Variants in ARHGAP26 observed in about 807,000 individuals in gnomAD.
ARHGAP26 encodes rho GTPase-activating protein 26.
Under a neutral mutation model 104.8 loss-of-function variants are expected in ARHGAP26, and 38 were observed. The ratio of observed to expected loss-of-function variants is 0.36; its 90% CI spans 0.28 to 0.48. ARHGAP26 has a LOEUF of 0.48. Ranked by LOEUF, ARHGAP26 falls within the 20% of genes least tolerant of loss-of-function variation. ARHGAP26 has a pLI of 0.99. For synonymous variants in ARHGAP26, 341 were observed against 340.0 expected (o/e 1.00, Z -0.03); for missense variants, 704 against 947.9 (o/e 0.74, Z 3.38).
At chr5:142,842,623 A>G (rs1436811534) in intron 1 of ARHGAP26, among the ~76,000 whole-genome samples, 1 of 152,180 alleles carries the variant, frequency 6.6e-6, no homozygotes, top group Non-Finnish European at 1.5e-5. Flanking sequence ...ATTGATCTAA[A>G]AGTGCGTAGT....
At chr5:142,846,437 A>G (rs1280567494) in intron 1 of ARHGAP26, among the ~76,000 whole-genome samples, 1 of 152,166 alleles carries the variant, frequency 6.6e-6, no homozygotes. Context: ...GTGAGCCAGA[A>G]TTTCAGGTCT....
chr5:142,991,282 C>T (rs1159131434), intron 11 of ARHGAP26, among the ~76,000 whole-genome samples: 7 of 152,238 alleles, frequency 4.6e-5, no homozygotes, highest in Admixed American at 4.6e-4. Flanking sequence ...ATATAATCTC[C>T]TGGTGTGCCG....
At chr5:142,902,386 C>T (rs1760485669) in intron 7 of ARHGAP26, among the ~76,000 whole-genome samples, 3 of 152,220 alleles carry the variant, frequency 2.0e-5, no homozygotes, top group Admixed American at 1.3e-4. Flanking sequence ...AGCTGCCTGA[C>T]TACATGAGAC....
intron 1 of ARHGAP26, among the ~76,000 whole-genome samples, chr5:142,790,714 A>G (rs1759627077): frequency 6.6e-6 from 1 of 152,098 alleles, no homozygotes; most frequent in Non-Finnish European, 1.5e-5. Flanking sequence ...TGATGCTCTG[A>G]GCACTTTCCC....
chr5:142,818,122 G>A (rs189719084), intron 1 of ARHGAP26, among the ~76,000 whole-genome samples: 51 of 152,192 alleles, frequency 3.4e-4, no homozygotes, highest in Non-Finnish European at 6.3e-4. Flanking sequence ...TTGGGTATTG[G>A]CAGGCTTCCT....
In ARHGAP26 at chr5:142,849,783, C is replaced by T. The variant is rs144946744; in HGVS notation, c.155-23617C>T. ...TGCATTGCTGGTGCCTCAATCCTGC[C>T]GTGTTTCTGTCCTCTTTCCTCCAGT... On this transcript the variant is annotated intron_variant, in intron 1 of 22. Transcript: ENST00000645722. Among the ~76,000 whole-genome samples, 46 of 152,250 alleles carry T rather than the reference C, an allele frequency of 3.0e-4. No individual in the cohort carries two copies. In the East Asian group the frequency reaches 3.9e-3, roughly 13 times the overall value.
intron 17 of ARHGAP26, among the ~76,000 whole-genome samples, chr5:143,066,737 G>A (rs1189202356): frequency 6.6e-6 from 1 of 152,210 alleles, no homozygotes; most frequent in African/African-American, 2.4e-5. Context: ...AGATTTCTGT[G>A]TGTGCATGTG....
At chr5:143,182,717 A>G (rs142984669) in intron 20 of ARHGAP26, among the ~76,000 whole-genome samples, 92 of 152,362 alleles carry the variant, frequency 6.0e-4, no homozygotes, top group African/African-American at 2.2e-3. Flanking sequence ...CTGGCTATAA[A>G]GACAAATCCC....
At chr5:142,849,371 T>C (rs989373985) in intron 1 of ARHGAP26, among the ~76,000 whole-genome samples, 10 of 152,214 alleles carry the variant, frequency 6.6e-5, no homozygotes, top group African/African-American at 2.4e-4. Context: ...TTTCCATTTG[T>C]ATTTGGCTTT....
At position 142,998,751 on chromosome 5, in the gene ARHGAP26, A is replaced by G. The variant is rs75601443; in HGVS notation, c.1108-15329A>G. Among the ~76,000 whole-genome samples the G allele has an allele frequency of 3.9e-3, 593 of 152,316 alleles. 6 individuals carry two copies. The highest frequency in any genetic ancestry group is 0.024 in the Middle Eastern group (7 of 294). ...CACCCCCTAAAAAAAGAACAAAAAA[A>G]AAGAAAAAGGAAAAGAACATTTGTT... On this transcript the variant is annotated intron_variant, in intron 11 of 22. Coordinates refer to ENST00000645722, the MANE Select transcript of ARHGAP26 (RefSeq NM_001135608.3).
intron 11 of ARHGAP26, among the ~76,000 whole-genome samples, chr5:142,939,820 A>G (rs1765976594): frequency 6.6e-6 from 1 of 152,258 alleles, no homozygotes; most frequent in Admixed American, 6.5e-5. Context: ...AGTGCTTTGT[A>G]AGGATCAACC....
At chr5:142,896,990 GCCTA>G in intron 6 of ARHGAP26, among the ~76,000 whole-genome samples, 1 of 152,090 alleles carries the variant, frequency 6.6e-6, no homozygotes, top group East Asian at 1.9e-4. Flanking sequence ...TATTAACAGG[GCCTA>G]CCTGTTTTAA....
intron 3 of ARHGAP26, among the ~76,000 whole-genome samples, chr5:142,876,309 A>G (rs1041063664): frequency 1.3e-5 from 2 of 152,092 alleles, no homozygotes; most frequent in African/African-American, 2.4e-5. Context: ...ACCAAGATGC[A>G]TTTTCTATTT....
chr5:143,038,940 C>T (rs930775639), intron 13 of ARHGAP26, among the ~76,000 whole-genome samples: 5 of 151,940 alleles, frequency 3.3e-5, no homozygotes, highest in African/African-American at 4.8e-5. Flanking sequence ...GTGATCCACC[C>T]ACCTCGGTCT....
At chr5:143,036,438 C>T (rs2152875903) in intron 12 of ARHGAP26, among the ~76,000 whole-genome samples, 1 of 152,300 alleles carries the variant, frequency 6.6e-6, no homozygotes, top group East Asian at 1.9e-4. Context: ...TCACCACTTG[C>T]TCATTTCCCC....
In ARHGAP26 at chr5:142,988,630, T is replaced by C. The variant is rs375268919; in HGVS notation, c.1108-25450T>C. On this transcript the variant is annotated intron_variant, in intron 11 of 22. Transcript: ENST00000645722. ...CCTTCTTTCTCTTGTGGGCGTTTAGTGCTATAAGTTTCACTCTACACACAG... is the reference window on the plus strand; with the variant it reads ...CCTTCTTTCTCTTGTGGGCGTTTAGCGCTATAAGTTTCACTCTACACACAG... Among the ~76,000 whole-genome samples, 34 of 152,344 alleles carry C rather than the reference T, an allele frequency of 2.2e-4. No individual in the cohort carries two copies. The East Asian group carries it at 6.2e-3, about 28-fold the overall frequency.
intron 20 of ARHGAP26, among the ~76,000 whole-genome samples, chr5:143,186,449 G>A (rs1425954591): frequency 6.6e-6 from 1 of 152,232 alleles, no homozygotes; most frequent in Non-Finnish European, 1.5e-5. Flanking sequence ...TATGAGTGTG[G>A]ACTGGGAGGT....
At chr5:143,188,932 CTGTT>C (rs1166251814) in intron 20 of ARHGAP26, among the ~76,000 whole-genome samples, 3 of 152,178 alleles carry the variant, frequency 2.0e-5, no homozygotes, top group Admixed American at 6.5e-5. Flanking sequence ...AGTCCCTGGG[CTGTT>C]TGTTTGGGGC....
chr5:143,050,640 C>T (rs1784874462), intron 14 of ARHGAP26, among the ~76,000 whole-genome samples: 1 of 152,144 alleles, frequency 6.6e-6, no homozygotes. Context: ...GACCTAAAGG[C>T]TTACATAGGA....
Sources: allele counts gnomAD v4.1 joint callset (sites outside exome capture counted in the v4.1 genomes callset), GRCh38; gene constraint gnomAD v4.1.1; transcripts MANE v1.5; gene names NCBI Gene and HGNC (gene_info 2026-07-23, HGNC 2026-07-21).